The following MDC1 variants were observed in gnomAD, a reference collection of about 807,000 sequenced individuals.
MDC1 encodes the protein mediator of DNA damage checkpoint 1, also known as mediator of DNA damage checkpoint protein 1.
In MDC1, 81 loss-of-function variants were observed where a neutral mutation model predicts 142.5. The observed-to-expected ratio is 0.57, with a 90% CI of 0.47 to 0.68. The LOEUF (loss-of-function observed/expected upper bound fraction) is 0.68. Among genes scored for constraint, MDC1 ranks in the 30% least tolerant of loss-of-function variants. The pLI, the probability that MDC1 is intolerant of heterozygous loss-of-function variation, is 0.00. For missense variants in MDC1, 2,119 were observed against 2,547.9 expected (o/e 0.83, Z 3.62); for synonymous variants, 797 against 968.4 (o/e 0.82, Z 3.29).
Position 30,704,131 on chromosome 6 carries a change from C to T in MDC1, c.5052G>A (p.Leu1684=). The change falls in exon 10 of 15, where the codon CTG becomes CTA. Residue 1684 remains leucine, a synonymous_variant. Coordinates refer to ENST00000376406, the MANE Select transcript of MDC1 (RefSeq NM_014641.3). ...GCATAGCTCTTACTGTGGAAGACCT[C>T]AGTGTTTTGCTCTGACCACCCTGAG... ...AIAQGGQSKT[L]RSSTVRAMPV... 6.2e-7 allele frequency: 1 copy of T among 1,613,826 alleles called. No individual in the cohort carries two copies. Among genetic ancestry groups the T allele is most frequent in the South Asian group, 1.1e-5 (1 of 91,028 alleles).
At position 30,711,654 on chromosome 6, in the gene MDC1, C is replaced by T. The variant is rs1444123160; in HGVS notation, c.2128+13G>A. The T allele has an allele frequency of 1.2e-6, 2 of 1,612,640 alleles. No homozygotes were observed. Among genetic ancestry groups the T allele is most frequent in the Non-Finnish European group, 1.7e-6 (2 of 1,179,818 alleles). On this transcript the variant is annotated intron_variant, in intron 6 of 14. Transcript: ENST00000376406. ...CCACTGGTACAGGATTCAAATAACA[C>T]AGAAGTCCTCACCTTCCAGGCCCTG...
chr6:30,702,917 C>A, intron 12 of MDC1, 40 bp from the exon 13 acceptor site: 1 of 1,612,208 alleles, frequency 6.2e-7, no homozygotes, highest in Non-Finnish European at 8.5e-7. Context: ...TCAGCCCAGC[C>A]CCTCAATCAG....
chr6:30,717,018 C>A (rs1242669629), intron 1 of MDC1: 4 of 601,022 alleles, frequency 6.7e-6, no homozygotes, highest in Non-Finnish European at 8.3e-6. Context: ...ATTCAAAGAG[C>A]CACCATCTTT....
chr6:30,713,730 GA>G lies in MDC1; in HGVS notation c.518-14del. The G allele has an allele frequency of 6.2e-7, 1 of 1,614,100 alleles. No homozygotes were observed. The highest frequency in any genetic ancestry group is 8.5e-7 in the Non-Finnish European group (1 of 1,179,990). On this transcript the variant is annotated splice_polypyrimidine_tract_variant and intron_variant, in intron 3 of 14. Transcript: ENST00000376406. The surrounding 1 kb of genome is among the most constrained non-coding windows in gnomAD (Gnocchi z 4.9). Reference sequence around the variant, plus strand: ...TCAGAAAGAAAATCTGTCAAGAACAGAAAGGAATGAGTTGACAATTGTACAC... The same window carrying G: ...TCAGAAAGAAAATCTGTCAAGAACAGAAGGAATGAGTTGACAATTGTACAC...
chr6:30,711,292 G>A (rs1774838991), intron 7 of MDC1, 120 bp downstream of exon 7: 12 of 855,056 alleles, frequency 1.4e-5, no homozygotes, highest in South Asian at 1.1e-4. Flanking sequence ...AAGAGAAACC[G>A]CCTGGGAGGC....
chr6:30,714,220 A>T (rs371987814), intron 2 of MDC1, 37 bp from the exon 3 acceptor site: 5 of 1,571,584 alleles, frequency 3.2e-6, no homozygotes, highest in Non-Finnish European at 4.3e-6. Context: ...CCAAGATCAG[A>T]GTCCTGGCCT....
rs771885197 is a variant in MDC1 at position 30,712,680 on chromosome 6, T to TCTTTCAG, written c.1255_1261dup (p.Glu421AlafsTer32). ...TCTGTTCCATATAGCAGGCTGGCTCTCTTTCAGATGTGCCAAAGTCAGCGC... is the reference window on the plus strand; with the variant it reads ...TCTGTTCCATATAGCAGGCTGGCTCTCTTTCAGCTTTCAGATGTGCCAAAGTCAGCGC... On this transcript the variant is annotated frameshift_variant, in exon 5 of 15. Transcript: ENST00000376406. LOFTEE classifies it high-confidence loss of function. The surrounding 1 kb of genome is among the most constrained non-coding windows in gnomAD (Gnocchi z 4.7). 1.5e-5 allele frequency: 24 copies of TCTTTCAG among 1,613,094 alleles called. No homozygotes were observed. Among genetic ancestry groups the TCTTTCAG allele is most frequent in the Non-Finnish European group, 1.9e-5 (23 of 1,180,026 alleles).
rs1478690811 is a variant in MDC1, at chr6:30,712,083, G to A, written c.1859C>T (p.Ala620Val). ...WAAAVLKQER[A>V]HEVGAQGGPP... Reference sequence around the variant, plus strand: ...CCCACCCTGGGCCCCCACCTCATGAGCTCTCTCCTGCTTAAGAACAGCTGC... The same window carrying A: ...CCCACCCTGGGCCCCCACCTCATGAACTCTCTCCTGCTTAAGAACAGCTGC... The change falls in exon 5 of 15, where the codon GCT becomes GTT. Residue 620 changes from alanine to valine, a missense_variant. Coordinates refer to ENST00000376406, the MANE Select transcript of MDC1 (RefSeq NM_014641.3). The surrounding 1 kb of genome is among the most constrained non-coding windows in gnomAD (Gnocchi z 4.7). 2 of 1,595,046 alleles carry A rather than the reference G, an allele frequency of 1.3e-6. No homozygotes were observed. Among genetic ancestry groups the A allele is most frequent in the Non-Finnish European group, 1.7e-6 (2 of 1,170,602 alleles).
rs980985284 is a variant in MDC1, at chr6:30,716,508, G to A, written c.-4+737C>T. On this transcript the variant is annotated intron_variant, in intron 1 of 14. Transcript: ENST00000376406. The surrounding 1 kb of genome is among the most constrained non-coding windows in gnomAD (Gnocchi z 4.4). The stretch of plus-strand genomic sequence containing the variant: ...ATTACAGCAGTGAGCAACCGCGCCC[G>A]GCCTCAAATGTCACTTTCTCAGCAA... Among the ~76,000 whole-genome samples the A allele has an allele frequency of 1.3e-5, 2 of 152,128 alleles. No individual in the cohort carries two copies. Among genetic ancestry groups the A allele is most frequent in the South Asian group, 2.1e-4 (1 of 4,828 alleles).
chr6:30,702,521 C>T (rs1313477809), intron 14 of MDC1, 32 bp downstream of exon 14: 1 of 1,491,360 alleles, frequency 6.7e-7, no homozygotes, highest in South Asian at 1.4e-5. Flanking sequence ...GCCACTGCCA[C>T]CTCACCCAGA....
Position 30,704,835 on chromosome 6 carries a change from G to A in MDC1, c.4348C>T (p.Pro1450Ser). 6.2e-7 allele frequency: 1 copy of A among 1,609,994 alleles called. No individual in the cohort carries two copies. The highest frequency in any genetic ancestry group is 8.5e-7 in the Non-Finnish European group (1 of 1,178,292). Reference protein sequence around the residue: ...SSVKTPETVVPTAPELQPSTS... With the variant: ...SSVKTPETVVSTAPELQPSTS... ...GAAGGCTGGAGCTCAGGGGCTGTGG[G>A]GACAACTGTTTCAGGGGTCTTCACA... Residue 1450 changes from proline to serine, a missense_variant, in exon 10 of 15, where the codon CCC becomes TCC. Physicochemically the swap from Pro to Ser is moderately conservative, Grantham distance 74 (BLOSUM62 -1). Coordinates refer to ENST00000376406, the MANE Select transcript of MDC1 (RefSeq NM_014641.3).
At chr6:30,711,283 A>T in intron 7 of MDC1, 129 bp downstream of exon 7, 1 of 788,060 alleles carries the variant, frequency 1.3e-6, no homozygotes, top group Non-Finnish European at 2.1e-6. Flanking sequence ...AGCTGAAGGA[A>T]GAGAAACCGC....
Position 30,705,326 on chromosome 6 carries a change from G to C in MDC1, c.3857C>G (p.Pro1286Arg). The stretch of plus-strand genomic sequence containing the variant: ...GGAAGGCCGGAGCTCAGGGGCTGTG[G>C]GCACAACTGGTTCAGGGGTCTTGAC... ...SSVKTPEPVV[P>R]TAPELRPSTS... is the part of the protein sequence containing the mutation. Residue 1286 changes from proline to arginine, a missense_variant, in exon 10 of 15, where the codon CCC (proline) becomes CGC (arginine). Coordinates refer to ENST00000376406, the MANE Select transcript of MDC1 (RefSeq NM_014641.3). 1 of 1,603,868 alleles carries C rather than the reference G, an allele frequency of 6.2e-7. No individual in the cohort carries two copies. The highest frequency in any genetic ancestry group is 8.5e-7 in the Non-Finnish European group (1 of 1,176,006).
chr6:30,713,926 G>A lies in MDC1; in HGVS notation c.394C>T (p.Arg132Cys), dbSNP rs534669744. ...LFADLLCQYHRLDVSLPFVSR... is the reference protein window; with the variant it reads ...LFADLLCQYHCLDVSLPFVSR... ...ACAAAGGGCAGAGAGACATCCAGGC[G>A]ATGGTACTGGCAGAGCAAGTCAGCA... The change falls in exon 3 of 15, where the codon CGC becomes TGC. Residue 132 changes from arginine to cysteine, a missense_variant. By Grantham distance (180) the Arg-to-Cys change is radical (BLOSUM62 -3). Coordinates refer to ENST00000376406, the MANE Select transcript of MDC1 (RefSeq NM_014641.3). The surrounding 1 kb of genome is among the most constrained non-coding windows in gnomAD (Gnocchi z 4.9). 52 of 1,613,350 alleles carry A rather than the reference G, an allele frequency of 3.2e-5. 1 individual carries two copies. Among genetic ancestry groups the A allele is most frequent in the Middle Eastern group, 1.6e-4 (1 of 6,062 alleles).
At position 30,708,124 on chromosome 6, in the gene MDC1, CT is replaced by C; in HGVS notation, c.2454del (p.Glu819LysfsTer28). 1 of 1,613,150 alleles carries C rather than the reference CT, an allele frequency of 6.2e-7. No homozygotes were observed. The highest frequency in any genetic ancestry group is 8.5e-7 in the Non-Finnish European group (1 of 1,180,030). ...TCAGGGCCCACCCTCTCTGCTGTTT[CT>C]TTTGGTATACCCATGACTTTATCCA... ...QTVDKVMGIP[K>X]ETAERVGPER... is the part of the protein sequence containing the mutation. On this transcript the variant is annotated frameshift_variant, in exon 8 of 15. Coordinates refer to ENST00000376406, the MANE Select transcript of MDC1 (RefSeq NM_014641.3). LOFTEE classifies it high-confidence loss of function.
In MDC1 at chr6:30,703,204, T is replaced by C; in HGVS notation, c.5765A>G (p.Glu1922Gly). ...LGGSLAGSAA[E>G]ASHLVTDRIR... is the part of the protein sequence containing the mutation. ...GCGATCAGTGACCAGGTGGGAAGCC[T>C]CTGCCGCTGAACCAGCCAGACTTCC... The change falls in exon 12 of 15, where the codon GAG (glutamate) becomes GGG (glycine). Residue 1922 changes from glutamate to glycine, a missense_variant. Glu to Gly is a moderately conservative substitution (Grantham distance 98). Transcript: ENST00000376406. The surrounding 1 kb of genome is among the most constrained non-coding windows in gnomAD (Gnocchi z 4.4). 6.2e-7 allele frequency: 1 copy of C among 1,613,076 alleles called. No homozygotes were observed. Among genetic ancestry groups the C allele is most frequent in the South Asian group, 1.1e-5 (1 of 91,078 alleles).
In MDC1 at chr6:30,700,354, T is replaced by C. The variant is rs982563411; in HGVS notation, c.*111A>G. The stretch of plus-strand genomic sequence containing the variant: ...TCATAAAGATTTCTGGTCCCACCCA[T>C]GTTCCAGGACAAGTTGTATCAATAT... On this transcript the variant is annotated 3_prime_UTR_variant, in exon 15 of 15. Coordinates refer to ENST00000376406, the MANE Select transcript of MDC1 (RefSeq NM_014641.3). 6.4e-6 allele frequency: 7 copies of C among 1,090,194 alleles called. No homozygotes were observed. The South Asian group carries it at 1.4e-4, about 21-fold the overall frequency. The allele number at this position is 1,090,194 out of a possible 1,614,324, so 67.5% of individuals were successfully genotyped here. A position where few individuals can be genotyped will look rare whatever the true frequency, so the allele number is the denominator to read the frequency against.
rs1438462033 is a variant in MDC1 at position 30,711,937 on chromosome 6, G to C, written c.2005C>G (p.Pro669Ala). 6.4e-7 allele frequency: 1 copy of C among 1,550,706 alleles called. No individual in the cohort carries two copies. Among genetic ancestry groups the C allele is most frequent in the East Asian group, 2.2e-5 (1 of 44,462 alleles). Reference sequence around the variant, plus strand: ...TGTTGTTCTCTCTCCCTTCCTGTGGGGACCTGGGCTCCCTCTCTCTGTGGC... The same window carrying C: ...TGTTGTTCTCTCTCCCTTCCTGTGGCGACCTGGGCTCCCTCTCTCTGTGGC... ...TQPQREGAQV[P>A]TGREREQHVG... The change falls in exon 5 of 15, where the codon CCC (proline) becomes GCC (alanine). Residue 669 changes from proline to alanine, a missense_variant. By Grantham distance (27) the Pro-to-Ala change is conservative. Coordinates refer to ENST00000376406, the MANE Select transcript of MDC1 (RefSeq NM_014641.3).
Position 30,711,711 on chromosome 6 carries a change from T to C in MDC1, c.2084A>G (p.Asp695Gly), listed in dbSNP as rs747568129. 2 of 1,612,836 alleles carry C rather than the reference T, an allele frequency of 1.2e-6. No individual in the cohort carries two copies. The highest frequency in any genetic ancestry group is 1.7e-6 in the Non-Finnish European group (2 of 1,179,894). The change falls in exon 6 of 15, where the codon GAC becomes GGC. Residue 695 changes from aspartate (D) to glycine (G), a missense_variant. Transcript: ENST00000376406. ...EDNYGDSEDL[D>G]LQATQCFLEN... ...CAGAAAGCACTGGGTAGCTTGTAGG[T>C]CCAGATCTTCAGAATCTGGTCGGGG...
Sources: gnomAD v4.1 joint callset for allele counts (sites outside exome capture counted in the v4.1 genomes callset) on GRCh38, gnomAD v4.1.1 for gene constraint, Gnocchi (gnomAD v3.1) non-coding constraint, MANE v1.5 for transcripts, NCBI Gene and HGNC (gene_info 2026-07-23, HGNC 2026-07-21) for gene names.